The following NPSR1 variants were observed in gnomAD, a reference collection of about 807,000 sequenced individuals.
The protein encoded by NPSR1 is neuropeptide S receptor.
A neutral mutation model predicts 46.9 loss-of-function variants in NPSR1; 48 were observed. The ratio of observed to expected loss-of-function variants is 1.02; its 90% CI spans 0.81 to 1.30. NPSR1 has a LOEUF of 1.30. Ranked by LOEUF, NPSR1 falls within the 50% of genes most tolerant of loss-of-function variation. NPSR1 has a pLI of 0.00. For missense variants in NPSR1, 450 were observed against 449.5 expected, an observed-to-expected ratio of 1.00 and a Z score of -0.01; for synonymous variants, 176 against 168.1, an observed-to-expected ratio of 1.05 and a Z score of -0.36.
chr7:34,786,117 T>C (rs1245951979), intron 3 of NPSR1, among the ~76,000 whole-genome samples: 1 of 152,198 alleles, frequency 6.6e-6, no homozygotes, highest in African/African-American at 2.4e-5. Context: ...GATAGCATTT[T>C]ACCCAGAGTA....
rs1052334569 is a variant in NPSR1 at position 34,689,051 on chromosome 7, G to A, written c.280+4367G>A. Among the ~76,000 whole-genome samples the A allele has an allele frequency of 2.6e-5, 4 of 152,280 alleles. No individual in the cohort carries two copies. In the South Asian group the frequency reaches 8.3e-4, roughly 32 times the overall value. On this transcript the variant is annotated intron_variant, in intron 2 of 8. Coordinates refer to ENST00000360581, the MANE Select transcript of NPSR1 (RefSeq NM_207172.2). ...ACTTGGCAGCTGCCCACCAGACCCT[G>A]CCTCAGAGCTAATGCTTCTGCCTGC...
intron 2 of NPSR1, among the ~76,000 whole-genome samples, chr7:34,736,720 C>A (rs1470806753): frequency 6.6e-6 from 1 of 152,130 alleles, no homozygotes; most frequent in Non-Finnish European, 1.5e-5. Flanking sequence ...CCCGCCTCAG[C>A]CTCCCAAGCA....
intron 8 of NPSR1, among the ~76,000 whole-genome samples, chr7:34,875,551 C>T (rs531266998): frequency 1.3e-5 from 2 of 152,256 alleles, no homozygotes; most frequent in East Asian, 1.9e-4. Context: ...CCCAGATTGG[C>T]CTAGAGATCC....
chr7:34,766,820 G>A (rs1055277948), intron 2 of NPSR1, among the ~76,000 whole-genome samples: 6 of 152,216 alleles, frequency 3.9e-5, no homozygotes, highest in South Asian at 2.1e-4. Flanking sequence ...TGATCCACCC[G>A]CCTCGGCCTC....
At chr7:34,689,799 G>C (rs773921928) in intron 2 of NPSR1, among the ~76,000 whole-genome samples, 3 of 151,250 alleles carry the variant, frequency 2.0e-5, no homozygotes, top group Non-Finnish European at 4.4e-5. Context: ...TTTAAAATTA[G>C]CCAGGCATGG....
chr7:34,683,678 G>C (rs1328237038), intron 1 of NPSR1, among the ~76,000 whole-genome samples: 1 of 152,106 alleles, frequency 6.6e-6, no homozygotes, highest in Non-Finnish European at 1.5e-5. Flanking sequence ...CAGAAAGTGA[G>C]AGGGTGAGAG....
Position 34,751,498 on chromosome 7 carries a change from G to A in NPSR1, c.281-26964G>A, listed in dbSNP as rs1193971914. On this transcript the variant is annotated intron_variant, in intron 2 of 8. Coordinates refer to ENST00000360581, the MANE Select transcript of NPSR1 (RefSeq NM_207172.2). ...TAGTTCTGCCTCCGTGTCATCTGCT[G>A]CCCCAACCAGCCCCAGCTCCTCCTC... 63 of 1,382,168 alleles carry A rather than the reference G, an allele frequency of 4.6e-5. 3 individuals are homozygous for A. In the South Asian group the frequency reaches 7.3e-4, roughly 16 times the overall value. 85.6% of individuals were successfully genotyped at this position (1,382,168 alleles called of 1,614,324 possible).
At chr7:34,853,712 G>C (rs567433964), downstream of NPSR1, among the ~76,000 whole-genome samples, 1 of 152,266 alleles carries the variant, frequency 6.6e-6, no homozygotes, top group African/African-American at 2.4e-5. Context: ...TGTAATCCCA[G>C]CACTTTGGGA....
chr7:34,863,808 A>T (rs898511870), intron 8 of NPSR1, among the ~76,000 whole-genome samples: 3 of 151,872 alleles, frequency 2.0e-5, no homozygotes, highest in South Asian at 2.1e-4. Flanking sequence ...ATTGTGGAAG[A>T]CAGTGTGGTG....
intron 5 of NPSR1, among the ~76,000 whole-genome samples, chr7:34,832,744 C>T (rs1423267054): frequency 1.3e-5 from 2 of 152,162 alleles, no homozygotes; most frequent in African/African-American, 4.8e-5. Flanking sequence ...CCCCTGTGTA[C>T]ATGGTTGATA....
chr7:34,778,659 T>C lies in NPSR1; in HGVS notation c.384+94T>C, dbSNP rs139122828. 741 of 777,350 alleles carry C rather than the reference T, an allele frequency of 9.5e-4. 5 individuals are homozygous for C. In the East Asian group the frequency reaches 0.017, roughly 17 times the overall value. The allele number at this position is 777,350 out of a possible 1,614,324, so 48.2% of individuals were successfully genotyped here. A position where few individuals can be genotyped will look rare whatever the true frequency, so the allele number is the denominator to read the frequency against. On this transcript the variant is annotated intron_variant, in intron 3 of 8. Coordinates refer to ENST00000360581, the MANE Select transcript of NPSR1 (RefSeq NM_207172.2). ...AAAATCATATAAAACCTTGCATTCC[T>C]ATGCATCAAACTGCCCGCTTTCTCC...
At chr7:34,773,410 A>G (rs1337896299) in intron 2 of NPSR1, among the ~76,000 whole-genome samples, 1 of 152,148 alleles carries the variant, frequency 6.6e-6, no homozygotes, top group African/African-American at 2.4e-5. Flanking sequence ...ATCACATACT[A>G]TGTTGTGGGA....
intron 8 of NPSR1, among the ~76,000 whole-genome samples, chr7:34,848,959 T>A (rs1373786402): frequency 1.3e-5 from 2 of 152,244 alleles, no homozygotes; most frequent in African/African-American, 4.8e-5. Flanking sequence ...ATTGCCTCAA[T>A]ACAATTCTAT....
intron 8 of NPSR1, among the ~76,000 whole-genome samples, chr7:34,862,414 T>C (rs1791211050): frequency 1.3e-5 from 2 of 151,806 alleles, no homozygotes. Context: ...TTTTTGTTCC[T>C]CCAGTCTTAG....
chr7:34,772,786 T>G (rs1394958514), intron 2 of NPSR1, among the ~76,000 whole-genome samples: 1 of 152,118 alleles, frequency 6.6e-6, no homozygotes, highest in African/African-American at 2.4e-5. Context: ...CAATCACAAC[T>G]TGACAGTTAC....
At chr7:34,788,129 C>G (rs1787548108) in intron 3 of NPSR1, among the ~76,000 whole-genome samples, 1 of 151,910 alleles carries the variant, frequency 6.6e-6, no homozygotes, top group African/African-American at 2.4e-5. Flanking sequence ...ACATCAAAAA[C>G]TAAAATGGGG....
intron 1 of NPSR1, 129 bp downstream of exon 1, chr7:34,658,688 T>C: frequency 1.0e-6 from 1 of 995,652 alleles, no homozygotes; most frequent in African/African-American, 1.6e-5. Context: ...AAAAGGATTT[T>C]TAAAAGTCTG....
chr7:34,691,624 G>A (rs777877753), intron 2 of NPSR1, among the ~76,000 whole-genome samples: 2 of 152,046 alleles, frequency 1.3e-5, no homozygotes, highest in African/African-American at 4.8e-5. Flanking sequence ...ACAAAGAATG[G>A]CATCATATAA....
chr7:34,808,557 C>A (rs1232824759), intron 3 of NPSR1, among the ~76,000 whole-genome samples: 2 of 152,154 alleles, frequency 1.3e-5, no homozygotes, highest in Non-Finnish European at 2.9e-5. Flanking sequence ...GTAAGCATTT[C>A]ATGTGTTTCT....
Sources: gnomAD v4.1 joint callset for allele counts (sites outside exome capture counted in the v4.1 genomes callset) on GRCh38, gnomAD v4.1.1 for gene constraint, MANE v1.5 for transcripts, NCBI Gene and HGNC (gene_info 2026-07-23, HGNC 2026-07-21) for gene names.